The following PPP2R3A variants were observed in gnomAD, a reference collection of about 807,000 sequenced individuals.
PPP2R3A encodes protein phosphatase 2 regulatory subunit B''alpha, also known as serine/threonine-protein phosphatase 2A regulatory subunit B'' subunit alpha.
PPP2R3A carries 80 observed loss-of-function variants against 106.9 expected under a neutral mutation model. The observed-to-expected ratio is 0.75, with a 90% confidence interval of 0.62 to 0.90. The LOEUF is 0.90. Ranked by LOEUF, PPP2R3A falls within the 40% of genes least tolerant of loss-of-function variation. The probability of loss-of-function intolerance (pLI) is 0.00; values close to 1 mark genes in which losing one functional copy is unlikely to be tolerated. For missense variants in PPP2R3A, 1,386 were observed against 1,350.4 expected, an observed-to-expected ratio of 1.03 and a Z score of -0.41; for synonymous variants, 483 against 468.3, an observed-to-expected ratio of 1.03 and a Z score of -0.41.
At chr3:135,983,326 T>A (rs1403791894) in intron 1 of PPP2R3A, among the ~76,000 whole-genome samples, 1 of 152,176 alleles carries the variant, frequency 6.6e-6, no homozygotes, top group Admixed American at 6.5e-5. Flanking sequence ...ACTGGCTATG[T>A]GGTGGGGATA....
chr3:136,131,783 C>A (rs1301177285), intron 13 of PPP2R3A, among the ~76,000 whole-genome samples: 1 of 152,120 alleles, frequency 6.6e-6, no homozygotes, highest in Non-Finnish European at 1.5e-5. Context: ...CAGTGATAGA[C>A]TGGATTAAGA....
At chr3:136,075,951 C>T (rs561445005) in intron 6 of PPP2R3A, among the ~76,000 whole-genome samples, 14 of 152,152 alleles carry the variant, frequency 9.2e-5, no homozygotes, top group Admixed American at 5.2e-4. Flanking sequence ...CATGAACTTC[C>T]GCCAAGCTAG....
rs58977481 is a variant in PPP2R3A, at chr3:135,978,700, C to T, written c.-441+12851C>T. On this transcript the variant is annotated intron_variant, in intron 1 of 13. Transcript: ENST00000264977. ...CCTTGACATTTAAAAACTAAACCCC[C>T]AAATTATCAAAATAAGCAGCTGATC... Among the ~76,000 whole-genome samples, 448 of 151,858 alleles carry T rather than the reference C, an allele frequency of 3.0e-3. 13 individuals carry two copies. Among genetic ancestry groups the T allele is most frequent in the African/African-American group, 0.01 (425 of 41,198 alleles).
At chr3:136,038,911 G>A (rs531476087) in intron 3 of PPP2R3A, among the ~76,000 whole-genome samples, 51 of 152,174 alleles carry the variant, frequency 3.4e-4, no homozygotes, top group Non-Finnish European at 8.8e-5. Context: ...CCCCAGTGGA[G>A]GTATGAGATA....
intron 1 of PPP2R3A, among the ~76,000 whole-genome samples, chr3:135,966,397 A>G (rs530898075): frequency 8.5e-5 from 13 of 152,214 alleles, no homozygotes; most frequent in African/African-American, 2.9e-4. Flanking sequence ...CCGGCCCGCC[A>G]GGAGCCGGGG....
intron 13 of PPP2R3A, among the ~76,000 whole-genome samples, chr3:136,115,393 A>G (rs1438914027): frequency 6.6e-6 from 1 of 152,108 alleles, no homozygotes; most frequent in Non-Finnish European, 1.5e-5. Flanking sequence ...TGGACAGAGA[A>G]TTAGTTTGAC....
intron 10 of PPP2R3A, among the ~76,000 whole-genome samples, chr3:136,099,218 A>T (rs1263230087): frequency 6.6e-6 from 1 of 152,190 alleles, no homozygotes; most frequent in Non-Finnish European, 1.5e-5. Context: ...ATTTTACAGT[A>T]AAGCCCAGAG....
At chr3:136,099,859 C>G (rs1035065891) in intron 10 of PPP2R3A, among the ~76,000 whole-genome samples, 5 of 151,274 alleles carry the variant, frequency 3.3e-5, no homozygotes, top group Middle Eastern at 6.9e-3. Flanking sequence ...GCTCAAAAGG[C>G]CACATGCGGC....
intron 2 of PPP2R3A, among the ~76,000 whole-genome samples, chr3:136,009,650 C>G (rs1231701849): frequency 1.3e-5 from 2 of 152,104 alleles, no homozygotes; most frequent in East Asian, 3.9e-4. Context: ...TATTCTCCTA[C>G]CCCAACCCAA....
intron 1 of PPP2R3A, among the ~76,000 whole-genome samples, chr3:135,985,333 C>T (rs189311255): frequency 0.011 from 1,523 of 142,300 alleles, 19 homozygotes; most frequent in Non-Finnish European, 0.017. Context: ...TTCCCTTTCT[C>T]TCTCTCTCTC....
chr3:135,979,814 A>G (rs1199734408), intron 1 of PPP2R3A, among the ~76,000 whole-genome samples: 2 of 151,906 alleles, frequency 1.3e-5, no homozygotes, highest in Non-Finnish European at 2.9e-5. Flanking sequence ...GGAAGGAGGC[A>G]GAGTATTATG....
At chr3:136,052,113 A>T (rs915294843) in intron 5 of PPP2R3A, among the ~76,000 whole-genome samples, 1 of 152,290 alleles carries the variant, frequency 6.6e-6, no homozygotes, top group Admixed American at 6.5e-5. Flanking sequence ...TGAAATCTCA[A>T]ATCTTCAATA....
At chr3:136,021,029 C>G (rs1934448590) in intron 2 of PPP2R3A, among the ~76,000 whole-genome samples, 1 of 151,946 alleles carries the variant, frequency 6.6e-6, no homozygotes, top group Non-Finnish European at 1.5e-5. Flanking sequence ...GGAGCATTCT[C>G]AGGAAAGGAA....
At chr3:136,023,519 A>G (rs528509093) in intron 2 of PPP2R3A, among the ~76,000 whole-genome samples, 1 of 152,240 alleles carries the variant, frequency 6.6e-6, no homozygotes, top group East Asian at 1.9e-4. Flanking sequence ...TAGGTAGAAA[A>G]TTACCAGAAT....
At chr3:136,081,765 C>T (rs1936788609) in intron 7 of PPP2R3A, among the ~76,000 whole-genome samples, 1 of 152,158 alleles carries the variant, frequency 6.6e-6, no homozygotes, top group Non-Finnish European at 1.5e-5. Flanking sequence ...GCATCTCTAC[C>T]TGCCATGCCT....
intron 4 of PPP2R3A, among the ~76,000 whole-genome samples, chr3:136,042,772 A>G (rs1559885183): frequency 6.6e-6 from 1 of 152,190 alleles, no homozygotes; most frequent in Non-Finnish European, 1.5e-5. Context: ...TCTAAATTAA[A>G]GTGTTATTTT....
chr3:136,067,125 A>T (rs1340916392), intron 5 of PPP2R3A, among the ~76,000 whole-genome samples: 5 of 152,248 alleles, frequency 3.3e-5, no homozygotes, highest in Non-Finnish European at 7.3e-5. Context: ...GATTGGTTAA[A>T]GAAGTAAAAG....
At chr3:136,085,612 T>C (rs1331946084) in intron 8 of PPP2R3A, among the ~76,000 whole-genome samples, 1 of 152,202 alleles carries the variant, frequency 6.6e-6, no homozygotes, top group Non-Finnish European at 1.5e-5. Context: ...TAAGATACAT[T>C]GATTCATTCT....
intron 13 of PPP2R3A, among the ~76,000 whole-genome samples, chr3:136,113,867 C>T (rs1002198831): frequency 1.3e-5 from 2 of 151,912 alleles, no homozygotes; most frequent in African/African-American, 2.4e-5. Flanking sequence ...ATAACATTCT[C>T]GACATAGGCC....
Sources: allele counts gnomAD v4.1 joint callset (sites outside exome capture counted in the v4.1 genomes callset), GRCh38; gene constraint gnomAD v4.1.1; transcripts MANE v1.5; gene names NCBI Gene and HGNC (gene_info 2026-07-23, HGNC 2026-07-21).